RFT1: variants seen among roughly 807,000 people sequenced by gnomAD.
RFT1 encodes RFT1 glycolipid translocator homolog, also known as man(5)GlcNAc(2)-PP-dolichol translocation protein RFT1.
A neutral mutation model predicts 62.2 loss-of-function variants in RFT1; 43 were observed. That is an observed-to-expected ratio of 0.69 (90% CI 0.54 to 0.89). The LOEUF is 0.89. Among genes scored for constraint, RFT1 ranks in the 40% least tolerant of loss-of-function variants. The pLI, the probability that RFT1 is intolerant of heterozygous loss-of-function variation, is 0.00. For synonymous variants in RFT1, 262 were observed against 264.6 expected, an observed-to-expected ratio of 0.99 and a Z score of 0.10; for missense variants, 605 against 649.9, an observed-to-expected ratio of 0.93 and a Z score of 0.75.
the RFT1 span, among the ~76,000 whole-genome samples, chr3:53,068,693 A>C: frequency 6.6e-6 from 1 of 152,190 alleles, no homozygotes; most frequent in Non-Finnish European, 1.5e-5. Context: ...GGTGGGGCAA[A>C]GGGAAGCGAG....
chr3:53,066,872 C>T, the RFT1 span, among the ~76,000 whole-genome samples: 1 of 152,236 alleles, frequency 6.6e-6, no homozygotes, highest in Non-Finnish European at 1.5e-5. Context: ...TTATTCATAG[C>T]ATCTTTATTC....
intron 2 of RFT1, among the ~76,000 whole-genome samples, chr3:53,124,426 G>A (rs1438930417): frequency 6.6e-6 from 1 of 152,190 alleles, no homozygotes; most frequent in African/African-American, 2.4e-5. Flanking sequence ...AGCCGTCTGG[G>A]TGAAGCCAGA....
At chr3:53,071,519 G>T in the RFT1 span, among the ~76,000 whole-genome samples, 1 of 152,160 alleles carries the variant, frequency 6.6e-6, no homozygotes, top group Non-Finnish European at 1.5e-5. Context: ...CACAGGGGCC[G>T]ACCTGGGACA....
In RFT1 at chr3:53,091,715, C is replaced by T. The variant is rs952792926; in HGVS notation, c.*188G>A. The stretch of plus-strand genomic sequence containing the variant: ...TGGTCTTCACTTAAAAATGAAACTC[C>T]CCCCCCGCATTTCAGACTTCGAATG... On this transcript the variant is annotated 3_prime_UTR_variant, in exon 13 of 13. Transcript: ENST00000296292. The T allele has an allele frequency of 1.5e-6, 1 of 651,096 alleles. No homozygotes were observed. Among genetic ancestry groups the T allele is most frequent in the African/African-American group, 1.8e-5 (1 of 55,260 alleles). The allele number at this position is 651,096 out of a possible 1,614,324, so 40.3% of individuals were successfully genotyped here. A position where few individuals can be genotyped will look rare whatever the true frequency, so the allele number is the denominator to read the frequency against.
rs1559578981 is a variant in RFT1 at position 53,092,481 on chromosome 3, A to G, written c.1346T>C (p.Phe449Ser). 2 of 1,612,556 alleles carry G rather than the reference A, an allele frequency of 1.2e-6. No homozygotes were observed. The highest frequency in any genetic ancestry group is 1.7e-6 in the Non-Finnish European group (2 of 1,179,622). ...GCTCCTTCGGTAGTAGCGGTGGATG[A>G]AGCAAAGGCTCTGCGTGATCCGAAT... ...MGIRITQSLC[F>S]IHRYYRRSPH... Residue 449 changes from phenylalanine (F) to serine (S), a missense_variant, in exon 12 of 13, where the codon TTC (phenylalanine) becomes TCC (serine). Transcript: ENST00000296292.
At chr3:53,078,811 C>T in the RFT1 span, among the ~76,000 whole-genome samples, 1 of 152,196 alleles carries the variant, frequency 6.6e-6, no homozygotes, top group East Asian at 1.9e-4. Context: ...GACCCAGGCT[C>T]CAGCCTTGGT....
At chr3:53,110,739 G>A (rs776599421) in intron 7 of RFT1, among the ~76,000 whole-genome samples, 2 of 151,300 alleles carry the variant, frequency 1.3e-5, no homozygotes, top group Admixed American at 6.6e-5. Context: ...TTTTTCTAAC[G>A]GGACTATATT....
Position 53,104,211 on chromosome 3 carries a change from G to A in RFT1, c.958-114C>T, listed in dbSNP as rs72965394. 8.0e-3 allele frequency: 8,380 copies of A among 1,043,490 alleles called. 515 individuals are homozygous for A. In the African/African-American group the frequency reaches 0.12, roughly 15 times the overall value. The allele number at this position is 1,043,490 out of a possible 1,614,324, so 64.6% of individuals were successfully genotyped here. On this transcript the variant is annotated intron_variant, in intron 9 of 12. Coordinates refer to ENST00000296292, the MANE Select transcript of RFT1 (RefSeq NM_052859.4). ...TTTTACAGTTCACTCTTCCAACAGC[G>A]TGATGGATATCACTATTTTTTTGTA...
chr3:53,118,609 C>T (rs1227948868), intron 6 of RFT1, among the ~76,000 whole-genome samples: 1 of 152,142 alleles, frequency 6.6e-6, no homozygotes, highest in East Asian at 1.9e-4. Context: ...AGAAATCCAG[C>T]ATGTGCCTTA....
chr3:53,077,835 G>A, the RFT1 span: 1 of 152,266 alleles, frequency 6.6e-6, no homozygotes, highest in South Asian at 2.1e-4. Flanking sequence ...GCCTCTGCAG[G>A]AGGAAAGACT....
chr3:53,099,283 C>T, intron 11 of RFT1, 98 bp downstream of exon 11: 1 of 959,522 alleles, frequency 1.0e-6, no homozygotes, highest in Non-Finnish European at 1.7e-6. Flanking sequence ...AAACAGCCAT[C>T]TGTAAATGCA....
chr3:53,111,478 T>C (rs1302069641), intron 7 of RFT1, among the ~76,000 whole-genome samples: 1 of 152,170 alleles, frequency 6.6e-6, no homozygotes, highest in Non-Finnish European at 1.5e-5. Flanking sequence ...ATAAAAATCA[T>C]ATAACATGGG....
downstream of RFT1, among the ~76,000 whole-genome samples, chr3:53,084,503 A>G (rs1700817969): frequency 6.6e-6 from 1 of 152,194 alleles, no homozygotes; most frequent in South Asian, 2.1e-4. Flanking sequence ...CCAGACATTA[A>G]CCAGAAACAT....
chr3:53,076,439 A>C, the RFT1 span, among the ~76,000 whole-genome samples: 1 of 152,232 alleles, frequency 6.6e-6, no homozygotes, highest in South Asian at 2.1e-4. Context: ...TAAAAAAGCA[A>C]ATAAAAAAGA....
At chr3:53,075,009 A>C in the RFT1 span, among the ~76,000 whole-genome samples, 9 of 152,092 alleles carry the variant, frequency 5.9e-5, no homozygotes, top group African/African-American at 2.2e-4. Flanking sequence ...CCCTTTATAT[A>C]ATACTGCATG....
intron 11 of RFT1, among the ~76,000 whole-genome samples, chr3:53,098,728 G>A (rs1701221055): frequency 6.8e-6 from 1 of 146,402 alleles, no homozygotes; most frequent in South Asian, 2.2e-4. Context: ...CGTGAACCTG[G>A]GAGGCAGAGC....
chr3:53,093,338 TTC>T (rs2107074737), intron 11 of RFT1, among the ~76,000 whole-genome samples: 1 of 152,328 alleles, frequency 6.6e-6, no homozygotes, highest in South Asian at 2.1e-4. Context: ...CTTCTTGCAC[TTC>T]TCTGATTTCA....
chr3:53,119,576 G>A (rs558019233), intron 6 of RFT1, among the ~76,000 whole-genome samples: 91 of 152,328 alleles, frequency 6.0e-4, no homozygotes, highest in Non-Finnish European at 9.7e-4. Flanking sequence ...ATTTGGCAAC[G>A]TCTGGAGACA....
intron 6 of RFT1, among the ~76,000 whole-genome samples, chr3:53,116,346 T>C (rs1042330906): frequency 2.7e-5 from 4 of 149,994 alleles, no homozygotes; most frequent in African/African-American, 7.4e-5. Flanking sequence ...CAGGCTAAAG[T>C]GCAGTAGCAT....
Sources: allele counts gnomAD v4.1 joint callset (sites outside exome capture counted in the v4.1 genomes callset), GRCh38; gene constraint gnomAD v4.1.1; transcripts MANE v1.5; gene names NCBI Gene and HGNC (gene_info 2026-07-23, HGNC 2026-07-21).